CNTN3: variants seen among roughly 807,000 people sequenced by gnomAD.
CNTN3 encodes contactin 3.
A neutral mutation model predicts 119.1 loss-of-function variants in CNTN3; 60 were observed. The observed-to-expected ratio is 0.50, with a 90% CI of 0.41 to 0.62. CNTN3 has a LOEUF of 0.62. Among genes scored for constraint, CNTN3 ranks in the 20% least tolerant of loss-of-function variants. CNTN3 has a pLI of 0.00. For synonymous variants in CNTN3, 450 were observed against 438.7 expected (o/e 1.03, Z -0.32); for missense variants, 1,101 against 1,242.4 (o/e 0.89, Z 1.71).
intron 1 of CNTN3, among the ~76,000 whole-genome samples, chr3:74,582,256 A>T (rs1704522144): frequency 1.3e-5 from 2 of 152,106 alleles, no homozygotes; most frequent in Admixed American, 1.3e-4. Flanking sequence ...AATACAAAAA[A>T]TTAGCTGGGT....
At chr3:74,520,636 G>A (rs992906066) in intron 2 of CNTN3, among the ~76,000 whole-genome samples, 3 of 149,862 alleles carry the variant, frequency 2.0e-5, no homozygotes, top group South Asian at 2.1e-4. Flanking sequence ...ATTCAGTTTT[G>A]GTCCTTTAGA....
chr3:74,431,631 T>G (rs1701784564), intron 4 of CNTN3, among the ~76,000 whole-genome samples: 1 of 152,168 alleles, frequency 6.6e-6, no homozygotes. Context: ...GTAGACAATT[T>G]TATGGGAAAT....
At position 74,582,404 on chromosome 3, in the gene CNTN3, TAAA is replaced by T. The variant is rs60451715; in HGVS notation, c.-81+31984_-81+31986del. On this transcript the variant is annotated intron_variant, in intron 1 of 22. Coordinates refer to ENST00000263665, the MANE Select transcript of CNTN3 (RefSeq NM_020872.3). ...CCGGGCGACAGAGCGAGACTCCGTCTAAAAAAAAAAAAATCATTTAAAAATTAA... is the reference window on the plus strand; with the variant it reads ...CCGGGCGACAGAGCGAGACTCCGTCTAAAAAAAAAATCATTTAAAAATTAA... Among the ~76,000 whole-genome samples, 660 of 148,802 alleles carry T rather than the reference TAAA, an allele frequency of 4.4e-3. 3 individuals are homozygous for T. Among genetic ancestry groups the T allele is most frequent in the Non-Finnish European group, 6.8e-3 (458 of 67,244 alleles).
intron 20 of CNTN3, among the ~76,000 whole-genome samples, chr3:74,272,780 G>C (rs1040566434): frequency 1.3e-5 from 2 of 152,110 alleles, no homozygotes; most frequent in African/African-American, 4.8e-5. Flanking sequence ...CACAAACAAA[G>C]AGGGAGCAGG....
intron 11 of CNTN3, among the ~76,000 whole-genome samples, chr3:74,347,324 C>T: frequency 6.6e-6 from 1 of 152,160 alleles, no homozygotes; most frequent in Admixed American, 6.5e-5. Flanking sequence ...TCACTGCAAC[C>T]TCCAATTCAT....
At chr3:74,266,716 T>A (rs933837847) in intron 21 of CNTN3, 67 bp from the exon 22 acceptor site, 76 of 1,450,112 alleles carry the variant, frequency 5.2e-5, no homozygotes, top group Non-Finnish European at 6.8e-5. Context: ...ATAGAATTTG[T>A]CTCTCTGAAA....
intron 3 of CNTN3, among the ~76,000 whole-genome samples, chr3:74,487,474 CATATT>C (rs753004957): frequency 2.6e-5 from 4 of 152,122 alleles, no homozygotes; most frequent in South Asian, 2.1e-4. Flanking sequence ...TAAATTGTAG[CATATT>C]ATAACAATGG....
intron 1 of CNTN3, among the ~76,000 whole-genome samples, chr3:74,546,352 A>G (rs1485950824): frequency 1.3e-5 from 2 of 152,124 alleles, no homozygotes; most frequent in African/African-American, 4.8e-5. Flanking sequence ...TGTCAACTTG[A>G]TTGGATTGAA....
chr3:74,288,153 TCTTTTC>T (rs1349127415), intron 19 of CNTN3, among the ~76,000 whole-genome samples: 7 of 106,620 alleles, frequency 6.6e-5, no homozygotes. Flanking sequence ...TCTTTTCTTT[TCTTTTC>T]TTTTTTTTTT....
chr3:74,614,442 C>T lies in CNTN3; in HGVS notation c.-132G>A, dbSNP rs1242898620. On this transcript the variant is annotated 5_prime_UTR_variant, in exon 1 of 23. Transcript: ENST00000263665. ...CGCCCCGACGGCCCACTCGCCGCCG[C>T]CGCCGCCGCCGCCGCCGCCGCCACC... Among the ~76,000 whole-genome samples the T allele has an allele frequency of 7.3e-6, 1 of 137,078 alleles. No homozygotes were observed. The highest frequency in any genetic ancestry group is 1.5e-5 in the Non-Finnish European group (1 of 64,994). 89.9% of individuals were successfully genotyped at this position (137,078 alleles called of 152,430 possible). A position where few individuals can be genotyped will look rare whatever the true frequency, so the allele number is the denominator to read the frequency against.
intron 11 of CNTN3, among the ~76,000 whole-genome samples, chr3:74,344,763 A>ACGC (rs371152212): frequency 3.3e-4 from 50 of 152,174 alleles, no homozygotes; most frequent in Middle Eastern, 6.8e-3. Flanking sequence ...CCCGGCCATT[A>ACGC]CGCAGTGTTT....
chr3:74,449,939 C>T (rs953765095), intron 4 of CNTN3, among the ~76,000 whole-genome samples: 1 of 152,044 alleles, frequency 6.6e-6, no homozygotes, highest in Non-Finnish European at 1.5e-5. Context: ...TCTCAAAAAG[C>T]ATGTTAAAGT....
intron 1 of CNTN3, among the ~76,000 whole-genome samples, chr3:74,595,080 C>A (rs1173155129): frequency 2.0e-5 from 3 of 151,804 alleles, no homozygotes; most frequent in African/African-American, 4.9e-5. Flanking sequence ...TGTCTTTTGG[C>A]TGCATAAATG....
chr3:74,601,935 T>C (rs1322431747), intron 1 of CNTN3, among the ~76,000 whole-genome samples: 6 of 151,904 alleles, frequency 3.9e-5, no homozygotes, highest in East Asian at 1.9e-4. Flanking sequence ...ATGGAAACAA[T>C]AGAGCCAGAC....
chr3:74,418,342 CT>C (rs56258495), intron 5 of CNTN3, among the ~76,000 whole-genome samples: 1,371 of 99,632 alleles, frequency 0.014, 32 homozygotes, highest in African/African-American at 0.048. Context: ...AAACATATTC[CT>C]TTTTTTTTTT....
chr3:74,607,222 G>A (rs1705008175), intron 1 of CNTN3, among the ~76,000 whole-genome samples: 1 of 152,144 alleles, frequency 6.6e-6, no homozygotes, highest in Non-Finnish European at 1.5e-5. Flanking sequence ...GTATTCCAGA[G>A]CTTTCAGAAT....
At chr3:74,581,491 G>A (rs960262288) in intron 1 of CNTN3, among the ~76,000 whole-genome samples, 1 of 152,114 alleles carries the variant, frequency 6.6e-6, no homozygotes, top group Non-Finnish European at 1.5e-5. Context: ...AATAAATGAA[G>A]AGAGATGCTA....
intron 10 of CNTN3, among the ~76,000 whole-genome samples, chr3:74,364,162 T>G (rs1704136626): frequency 6.6e-6 from 1 of 152,116 alleles, no homozygotes; most frequent in Non-Finnish European, 1.5e-5. Flanking sequence ...CCAAAATCAC[T>G]TATTCTCCTA....
intron 1 of CNTN3, among the ~76,000 whole-genome samples, chr3:74,526,752 T>C (rs1047534718): frequency 6.6e-6 from 1 of 151,872 alleles, no homozygotes; most frequent in Admixed American, 6.6e-5. Context: ...ACAGGGTGAA[T>C]GCCGGCTGGA....
Sources: allele counts gnomAD v4.1 joint callset (sites outside exome capture counted in the v4.1 genomes callset), GRCh38; gene constraint gnomAD v4.1.1; transcripts MANE v1.5; gene names NCBI Gene and HGNC (gene_info 2026-07-23, HGNC 2026-07-21).